RBFOX1: variants seen among roughly 807,000 people sequenced by gnomAD.
RBFOX1 encodes RNA binding protein fox-1 homolog 1.
In RBFOX1, 8 loss-of-function variants were observed where a neutral mutation model predicts 57.7. The observed-to-expected ratio is 0.14, with a 90% CI of 0.08 to 0.25. RBFOX1 has a LOEUF of 0.25. RBFOX1 is among the 10% of genes least tolerant of loss of function. RBFOX1 has a pLI of 1.00. For synonymous variants in RBFOX1, 326 were observed against 222.4 expected, an observed-to-expected ratio of 1.47 and a Z score of -4.15; for missense variants, 611 against 548.5, an observed-to-expected ratio of 1.11 and a Z score of -1.14.
intron 2 of RBFOX1, among the ~76,000 whole-genome samples, chr16:6,559,903 C>T (rs945675771): frequency 2.0e-5 from 3 of 152,070 alleles, no homozygotes; most frequent in Non-Finnish European, 4.4e-5. Context: ...TGGTTCCTTC[C>T]CTGAGTTCTC....
At chr16:7,426,346 A>G (rs986564355) in intron 4 of RBFOX1, among the ~76,000 whole-genome samples, 1 of 152,188 alleles carries the variant, frequency 6.6e-6, no homozygotes, top group African/African-American at 2.4e-5. Flanking sequence ...GGGAGTTGCC[A>G]GTCACCACTT....
chr16:6,159,900 G>T (rs1293726288), intron 1 of RBFOX1, among the ~76,000 whole-genome samples: 1 of 152,094 alleles, frequency 6.6e-6, no homozygotes, highest in Non-Finnish European at 1.5e-5. Flanking sequence ...AATTTGTGCT[G>T]CTCTTTTCTT....
chr16:7,199,408 C>G (rs972455931), intron 4 of RBFOX1, among the ~76,000 whole-genome samples: 2 of 152,156 alleles, frequency 1.3e-5, no homozygotes, highest in East Asian at 1.9e-4. Context: ...TCCAAATAGG[C>G]CCTGAATCAT....
intron 4 of RBFOX1, among the ~76,000 whole-genome samples, chr16:7,278,120 C>T (rs537424026): frequency 1.1e-4 from 17 of 151,946 alleles, no homozygotes; most frequent in African/African-American, 2.2e-4. Context: ...TATTTGGCTC[C>T]GCTTGGTTTC....
Position 6,931,335 on chromosome 16 carries a change from AT to A in RBFOX1, c.-15-120721del, listed in dbSNP as rs1165939112. On this transcript the variant is annotated intron_variant, in intron 3 of 15. Transcript: ENST00000550418. ...TATCTATCTATCTATCTATCTATCT[AT>A]CTCTACACACACACACACACACACA... Among the ~76,000 whole-genome samples, 931 of 105,924 alleles carry A rather than the reference AT, an allele frequency of 8.8e-3. 8 individuals carry two copies. The highest frequency in any genetic ancestry group is 0.024 in the African/African-American group (702 of 29,370). 69.5% of individuals were successfully genotyped at this position (105,924 alleles called of 152,430 possible). A position where few individuals can be genotyped will look rare whatever the true frequency, so the allele number is the denominator to read the frequency against.
chr16:7,582,164 A>G (rs2093822346), intron 6 of RBFOX1, among the ~76,000 whole-genome samples: 1 of 151,998 alleles, frequency 6.6e-6, no homozygotes, highest in Admixed American at 6.6e-5. Context: ...ACTAGCTGGG[A>G]CTACATGCAT....
At chr16:5,738,901 G>C (rs1029355751) in intron 3 of RBFOX1, among the ~76,000 whole-genome samples, 2 of 152,144 alleles carry the variant, frequency 1.3e-5, no homozygotes, top group South Asian at 2.1e-4. Context: ...AAACAACCAG[G>C]GAAGATGGAT....
chr16:7,250,885 C>G (rs2094476347), intron 4 of RBFOX1, among the ~76,000 whole-genome samples: 1 of 152,070 alleles, frequency 6.6e-6, no homozygotes, highest in Non-Finnish European at 1.5e-5. Flanking sequence ...AACGAATTAA[C>G]TTTTTGAATT....
intron 3 of RBFOX1, among the ~76,000 whole-genome samples, chr16:5,788,720 A>G (rs1397553845): frequency 6.6e-6 from 1 of 152,120 alleles, no homozygotes. Flanking sequence ...CAGCGAGTGT[A>G]AGACACACAC....
chr16:7,115,234 C>G (rs960080450), intron 4 of RBFOX1, among the ~76,000 whole-genome samples: 2 of 151,910 alleles, frequency 1.3e-5, no homozygotes, highest in Non-Finnish European at 2.9e-5. Context: ...GTGGACATTC[C>G]CATGTCAATG....
Position 7,422,203 on chromosome 16 carries a change from A to G in RBFOX1, c.28-95944A>G, listed in dbSNP as rs147950401. ...GCTTGTGCGAGTGAGAAACACTTGG[A>G]TAGAACTGCCTCTCCCACCAGTAGG... On this transcript the variant is annotated intron_variant, in intron 4 of 15. Transcript: ENST00000550418. Among the ~76,000 whole-genome samples, 17 of 152,248 alleles carry G rather than the reference A, an allele frequency of 1.1e-4. No individual in the cohort carries two copies. The East Asian group carries it at 2.9e-3, about 26-fold the overall frequency.
intron 3 of RBFOX1, among the ~76,000 whole-genome samples, chr16:5,643,050 T>C (rs2048933600): frequency 1.3e-5 from 2 of 152,312 alleles, no homozygotes; most frequent in South Asian, 4.1e-4. Context: ...CCTTATGATA[T>C]ATTCTTGCTC....
At chr16:7,046,200 C>G (rs1256911746) in intron 3 of RBFOX1, among the ~76,000 whole-genome samples, 2 of 151,436 alleles carry the variant, frequency 1.3e-5, no homozygotes, top group African/African-American at 2.4e-5. Context: ...TCCATTTTGA[C>G]TTAATTTTTG....
chr16:6,718,998 T>C (rs988815005), intron 3 of RBFOX1, among the ~76,000 whole-genome samples: 2 of 151,994 alleles, frequency 1.3e-5, no homozygotes, highest in Non-Finnish European at 2.9e-5. Context: ...AAGTAGCTTC[T>C]GGGACTACAG....
At chr16:7,460,648 T>C (rs911605897) in intron 4 of RBFOX1, among the ~76,000 whole-genome samples, 1 of 151,444 alleles carries the variant, frequency 6.6e-6, no homozygotes, top group Non-Finnish European at 1.5e-5. Context: ...TGAAATAATC[T>C]GCACAACAAA....
In RBFOX1 at chr16:5,398,082, T is replaced by C. The variant is rs548461117; in HGVS notation, c.220-69134T>C. Among the ~76,000 whole-genome samples the C allele has an allele frequency of 9.8e-5, 15 of 152,286 alleles. 1 individual carries two copies. The South Asian group carries it at 1.2e-3, about 13-fold the overall frequency. On this transcript the variant is annotated intron_variant, in intron 1 of 2. Coordinates refer to the RBFOX1 transcript ENST00000585867. ...AACCACACGGGGCTGTGAGAGGTTA[T>C]AACTGAGATTCAACCTAGACGAAGA...
At position 7,696,178 on chromosome 16, in the gene RBFOX1, T is replaced by C. The variant is rs1238778655; in HGVS notation, c.996-12878T>C. ...TAATTTACAAGGATATCTATTTTCT[T>C]ACCTAGGAGTTTCAACAATGCTATT... On this transcript the variant is annotated intron_variant, in intron 14 of 15. Transcript: ENST00000550418. 2.6e-5 allele frequency among the ~76,000 whole-genome samples: 4 copies of C among 152,220 alleles called. No individual in the cohort carries two copies. The South Asian group carries it at 6.2e-4, about 24-fold the overall frequency.
In RBFOX1 at chr16:5,818,184, G is replaced by C. The variant is rs148791743; in HGVS notation, c.319-49119G>C. 3.9e-5 allele frequency among the ~76,000 whole-genome samples: 6 copies of C among 152,314 alleles called. No homozygotes were observed. The East Asian group carries it at 5.8e-4, about 15-fold the overall frequency. ...CAATCATTGAGCAGTTGCTGAGCCA[G>C]GCTGTGTGTTAGGAGGTTTCTGTAT... On this transcript the variant is annotated intron_variant, in intron 3 of 19. Transcript: ENST00000641259.
chr16:5,915,618 G>T, intron 4 of RBFOX1, among the ~76,000 whole-genome samples: 1 of 152,120 alleles, frequency 6.6e-6, no homozygotes, highest in East Asian at 1.9e-4. Flanking sequence ...GATCACCTGA[G>T]GTCAGGAGTT....
Sources: allele counts gnomAD v4.1 joint callset (sites outside exome capture counted in the v4.1 genomes callset), GRCh38; gene constraint gnomAD v4.1.1; transcripts MANE v1.5; gene names NCBI Gene and HGNC (gene_info 2026-07-23, HGNC 2026-07-21).